HECW2: variants seen among roughly 807,000 people sequenced by gnomAD.
HECW2 encodes the protein E3 ubiquitin-protein ligase HECW2.
A neutral mutation model predicts 175.2 loss-of-function variants in HECW2; 61 were observed. The ratio of observed to expected loss-of-function variants is 0.35; its 90% confidence interval spans 0.28 to 0.43. The LOEUF (loss-of-function observed/expected upper bound fraction) is 0.43. HECW2 is among the 20% of genes least tolerant of loss of function. HECW2 has a pLI of 1.00. For synonymous variants in HECW2, 671 were observed against 731.0 expected (o/e 0.92, Z 1.32); for missense variants, 1,524 against 2,000.5 (o/e 0.76, Z 4.54).
intron 10 of HECW2, among the ~76,000 whole-genome samples, chr2:196,314,372 T>G (rs976009474): frequency 3.9e-5 from 6 of 152,186 alleles, no homozygotes; most frequent in Non-Finnish European, 2.9e-5. Context: ...GCCCAATAAA[T>G]AACATATCAC....
intron 14 of HECW2, among the ~76,000 whole-genome samples, chr2:196,281,417 C>A (rs1168547266): frequency 2.6e-5 from 4 of 151,982 alleles, no homozygotes; most frequent in African/African-American, 7.2e-5. Flanking sequence ...GTAGGTGGAT[C>A]GCTTGAGCTC....
At chr2:196,468,120 G>A (rs545879147) in intron 1 of HECW2, among the ~76,000 whole-genome samples, 6 of 151,912 alleles carry the variant, frequency 3.9e-5, no homozygotes, top group South Asian at 2.1e-4. Flanking sequence ...TCAGCCTCCC[G>A]AGTAGCTGGT....
intron 1 of HECW2, chr2:196,592,922 G>C (rs1238976239): frequency 6.6e-6 from 1 of 151,116 alleles, no homozygotes; most frequent in South Asian, 2.1e-4. Context: ...GGGCGCCGCC[G>C]CGCGTTGCAT....
intron 1 of HECW2, among the ~76,000 whole-genome samples, chr2:196,458,667 A>G (rs1276355707): frequency 3.3e-5 from 5 of 152,176 alleles, no homozygotes; most frequent in Non-Finnish European, 7.4e-5. Flanking sequence ...AGAGATCGAG[A>G]CCATCATGGC....
intron 1 of HECW2, among the ~76,000 whole-genome samples, chr2:196,573,970 C>A (rs1690472598): frequency 6.6e-6 from 1 of 151,852 alleles, no homozygotes; most frequent in African/African-American, 2.4e-5. Flanking sequence ...TGCCTGAACC[C>A]AGGAGTTCAA....
intron 23 of HECW2, among the ~76,000 whole-genome samples, chr2:196,223,875 T>C (rs1012191959): frequency 3.9e-5 from 6 of 152,050 alleles, no homozygotes; most frequent in Non-Finnish European, 5.9e-5. Context: ...AATTTGAAAA[T>C]CATTTAGGAG....
At chr2:196,387,455 G>A (rs892576020) in intron 2 of HECW2, among the ~76,000 whole-genome samples, 1 of 152,110 alleles carries the variant, frequency 6.6e-6, no homozygotes, top group African/African-American at 2.4e-5. Context: ...CACCATCTGT[G>A]AGGAATAGGT....
Position 196,505,758 on chromosome 2 carries a change from G to T in HECW2, c.-35-72300C>A, listed in dbSNP as rs182293064. The stretch of plus-strand genomic sequence containing the variant: ...TTATAGATTTATACTAATAAATTTG[G>T]ATCTTTAACCCAGGTGGATAACTTC... On this transcript the variant is annotated intron_variant, in intron 1 of 28. Coordinates refer to ENST00000644978, the MANE Select transcript of HECW2 (RefSeq NM_001348768.2). Among the ~76,000 whole-genome samples the T allele has an allele frequency of 3.3e-3, 508 of 152,218 alleles. 3 individuals carry two copies. Among genetic ancestry groups the T allele is most frequent in the Non-Finnish European group, 5.0e-3 (337 of 68,002 alleles).
intron 1 of HECW2, among the ~76,000 whole-genome samples, chr2:196,489,851 C>T (rs1687125659): frequency 1.3e-5 from 2 of 152,204 alleles, no homozygotes; most frequent in Non-Finnish European, 2.9e-5. Flanking sequence ...GAGAACACTA[C>T]AGAGAGGGAA....
intron 2 of HECW2, among the ~76,000 whole-genome samples, chr2:196,392,112 C>A (rs1694529605): frequency 6.6e-6 from 1 of 152,206 alleles, no homozygotes; most frequent in Non-Finnish European, 1.5e-5. Context: ...CAAAGCACTA[C>A]ACATATGCTA....
chr2:196,407,604 C>A (rs1010361692), intron 2 of HECW2, among the ~76,000 whole-genome samples: 2 of 152,190 alleles, frequency 1.3e-5, no homozygotes, highest in Non-Finnish European at 2.9e-5. Context: ...GCTAAATGAT[C>A]TATACCAGGT....
intron 2 of HECW2, among the ~76,000 whole-genome samples, chr2:196,429,315 G>A (rs138902245): frequency 2.6e-5 from 4 of 152,308 alleles, no homozygotes; most frequent in African/African-American, 4.8e-5. Context: ...ACTACAGAGC[G>A]AAGGGGGCAG....
chr2:196,281,984 T>C (rs966803945), intron 14 of HECW2, among the ~76,000 whole-genome samples: 1 of 152,224 alleles, frequency 6.6e-6, no homozygotes, highest in Non-Finnish European at 1.5e-5. Context: ...ATAGTTCATA[T>C]GAATTTTTGA....
At chr2:196,341,196 C>T (rs1692737201) in intron 3 of HECW2, among the ~76,000 whole-genome samples, 1 of 151,560 alleles carries the variant, frequency 6.6e-6, no homozygotes, top group Non-Finnish European at 1.5e-5. Flanking sequence ...TGACTTCTTC[C>T]CATGGGTTCA....
At chr2:196,588,473 G>C (rs757255706) in intron 1 of HECW2, among the ~76,000 whole-genome samples, 1 of 152,188 alleles carries the variant, frequency 6.6e-6, no homozygotes, top group Non-Finnish European at 1.5e-5. Flanking sequence ...AAATAGACAA[G>C]GTCAGGAGAT....
At chr2:196,373,055 A>G (rs1575473454) in intron 2 of HECW2, among the ~76,000 whole-genome samples, 1 of 152,230 alleles carries the variant, frequency 6.6e-6, no homozygotes, top group African/African-American at 2.4e-5. Flanking sequence ...GCTGCAGTAA[A>G]AGCTCAGATA....
chr2:196,284,156 TCA>T (rs1404512336), intron 14 of HECW2, among the ~76,000 whole-genome samples: 4 of 152,186 alleles, frequency 2.6e-5, no homozygotes, highest in Non-Finnish European at 4.4e-5. Context: ...TAACAGCCAC[TCA>T]CAGTGCTTGG....
intron 1 of HECW2, among the ~76,000 whole-genome samples, chr2:196,559,156 T>C (rs1019861068): frequency 3.3e-5 from 5 of 152,198 alleles, no homozygotes; most frequent in African/African-American, 1.2e-4. Flanking sequence ...CACAATGTTC[T>C]TTTCACTACA....
chr2:196,205,147 T>C (rs533727359), intron 28 of HECW2, among the ~76,000 whole-genome samples: 2 of 152,310 alleles, frequency 1.3e-5, no homozygotes, highest in South Asian at 4.1e-4. Context: ...TTCCTTCTAA[T>C]AAACTAAACA....
Sources: allele counts gnomAD v4.1 joint callset (sites outside exome capture counted in the v4.1 genomes callset), GRCh38; gene constraint gnomAD v4.1.1; transcripts MANE v1.5; gene names NCBI Gene and HGNC (gene_info 2026-07-23, HGNC 2026-07-21).